Variants in SGPL1 observed in about 807,000 individuals in gnomAD.
The protein encoded by SGPL1 is sphingosine-1-phosphate lyase 1, also known as SP-lyase 1.
SGPL1 carries 37 observed loss-of-function variants against 68.9 expected under a neutral mutation model. The observed-to-expected ratio is 0.54, with a 90% CI of 0.41 to 0.71. SGPL1 has a LOEUF of 0.71. Ranked by LOEUF, SGPL1 falls within the 30% of genes least tolerant of loss-of-function variation. The pLI is 0.00. For missense variants in SGPL1, 551 were observed against 704.6 expected (o/e 0.78, Z 2.47); for synonymous variants, 236 against 248.5 (o/e 0.95, Z 0.47).
chr10:70,851,543 T>C (rs1095661), intron 4 of SGPL1, among the ~76,000 whole-genome samples: 150,239 of 152,252 alleles, frequency 0.99, 74,160 homozygotes, highest in Middle Eastern at 1. Context: ...CTTTCTCCAA[T>C]GTAACTGGCC....
intron 6 of SGPL1, among the ~76,000 whole-genome samples, chr10:70,858,413 C>T (rs1845998318): frequency 6.6e-6 from 1 of 152,180 alleles, no homozygotes; most frequent in African/African-American, 2.4e-5. Flanking sequence ...GTTGAGATTA[C>T]AGCTGTGAAC....
At chr10:70,874,695 C>T (rs1846355213) in intron 12 of SGPL1, among the ~76,000 whole-genome samples, 1 of 152,030 alleles carries the variant, frequency 6.6e-6, no homozygotes, top group Non-Finnish European at 1.5e-5. Flanking sequence ...TGCACTCAAG[C>T]CTGGGCAACA....
Position 70,873,499 on chromosome 10 carries a change from C to G in SGPL1, c.1208C>G (p.Ala403Gly), listed in dbSNP as rs765061875. The change falls in exon 12 of 15, where the codon GCC becomes GGC. Residue 403 changes from alanine to glycine, a missense_variant. Physicochemically the swap from Ala to Gly is moderately conservative, Grantham distance 60. Coordinates refer to ENST00000373202, the MANE Select transcript of SGPL1 (RefSeq NM_003901.4). ...TCACGGCCTGGTGGCATTAGCGCAGCCTGTTGGGCTGCCTTGATGCACTTC... is the reference window on the plus strand; with the variant it reads ...TCACGGCCTGGTGGCATTAGCGCAGGCTGTTGGGCTGCCTTGATGCACTTC... ...AGSRPGGISA[A>G]CWAALMHFGE... 17 of 1,614,228 alleles carry G rather than the reference C, an allele frequency of 1.1e-5. No individual in the cohort carries two copies. In the Admixed American group the frequency reaches 2.2e-4, roughly 21 times the overall value.
chr10:70,842,237 A>T (rs1388878988), intron 2 of SGPL1, among the ~76,000 whole-genome samples: 1 of 152,298 alleles, frequency 6.6e-6, no homozygotes. Flanking sequence ...ATCCTTGAAC[A>T]TGTTTATTTG....
rs1297836489 is a variant in SGPL1, at chr10:70,879,279, G to C, written c.*1944G>C. 1 of 152,710 alleles carries C rather than the reference G, an allele frequency of 6.5e-6. No individual in the cohort carries two copies. The highest frequency in any genetic ancestry group is 2.4e-5 in the African/African-American group (1 of 41,458). 9.5% of individuals were successfully genotyped at this position (152,710 alleles called of 1,614,324 possible). A position where few individuals can be genotyped will look rare whatever the true frequency, so the allele number is the denominator to read the frequency against. ...GCCATGACTACCAGACTTTTCCTCA[G>C]GCTCCTTGGCATGTTAGTCTGAATT... On this transcript the variant is annotated 3_prime_UTR_variant, in exon 15 of 15. Coordinates refer to ENST00000373202, the MANE Select transcript of SGPL1 (RefSeq NM_003901.4).
In SGPL1 at chr10:70,828,377, G is replaced by C. The variant is rs541435057; in HGVS notation, c.27+11497G>C. ...CACCCTGTTGCCCAGGCAGGAGTGC[G>C]GTGGTGCGATCATGGCTTCCTGCAG... On this transcript the variant is annotated intron_variant, in intron 2 of 14. Coordinates refer to ENST00000373202, the MANE Select transcript of SGPL1 (RefSeq NM_003901.4). 9.6e-4 allele frequency among the ~76,000 whole-genome samples: 146 copies of C among 152,148 alleles called. 1 individual carries two copies. The highest frequency in any genetic ancestry group is 5.7e-4 in the Non-Finnish European group (39 of 67,990).
intron 2 of SGPL1, among the ~76,000 whole-genome samples, chr10:70,833,389 G>A (rs1250522442): frequency 6.6e-6 from 1 of 152,200 alleles, no homozygotes; most frequent in Non-Finnish European, 1.5e-5. Flanking sequence ...CCTAAGAAAT[G>A]ATGATTCAGT....
At chr10:70,858,753 C>T (rs1433955448) in intron 6 of SGPL1, among the ~76,000 whole-genome samples, 2 of 152,198 alleles carry the variant, frequency 1.3e-5, no homozygotes, top group Admixed American at 6.5e-5. Context: ...TGCCTTTTCT[C>T]TTTACTAAAT....
intron 2 of SGPL1, among the ~76,000 whole-genome samples, chr10:70,821,874 A>G (rs77064029): frequency 0.018 from 2,732 of 152,184 alleles, 60 homozygotes; most frequent in African/African-American, 0.056. Flanking sequence ...GCTCAGGAAT[A>G]TATATTGGAG....
At chr10:70,877,098 G>A (rs995891652) in intron 14 of SGPL1, 97 bp from the exon 15 acceptor site, 37 of 1,246,094 alleles carry the variant, frequency 3.0e-5, no homozygotes, top group African/African-American at 7.4e-5. Context: ...GTGCACATGC[G>A]AAGCTAGGAC....
chr10:70,868,453 T>C lies in SGPL1; in HGVS notation c.704+20T>C. ...AGAAATGTATGTATGTGTGGCTGTT[T>C]TGTCCCCTTTTGGATTTGTCTGTCT... On this transcript the variant is annotated intron_variant, in intron 8 of 14. Coordinates refer to ENST00000373202, the MANE Select transcript of SGPL1 (RefSeq NM_003901.4). The C allele has an allele frequency of 6.3e-7, 1 of 1,591,474 alleles. No individual in the cohort carries two copies. Among genetic ancestry groups the C allele is most frequent in the Non-Finnish European group, 8.6e-7 (1 of 1,159,450 alleles).
chr10:70,864,550 C>T (rs1297645115), intron 7 of SGPL1, among the ~76,000 whole-genome samples: 1 of 152,078 alleles, frequency 6.6e-6, no homozygotes, highest in African/African-American at 2.4e-5. Context: ...CTTTTTGTTT[C>T]ATGGTCTAGG....
chr10:70,830,322 T>G (rs145932713), intron 2 of SGPL1, among the ~76,000 whole-genome samples: 199 of 152,334 alleles, frequency 1.3e-3, no homozygotes, highest in African/African-American at 4.6e-3. Context: ...CACTTCCTTA[T>G]TTCCTTCTCA....
intron 3 of SGPL1, among the ~76,000 whole-genome samples, chr10:70,844,977 A>G (rs752048960): frequency 3.9e-5 from 6 of 152,102 alleles, no homozygotes; most frequent in Non-Finnish European, 8.8e-5. Context: ...TGACCTCGTG[A>G]TCCACCCACC....
chr10:70,876,514 C>T lies in SGPL1; in HGVS notation c.1446-27C>T, dbSNP rs375982508. On this transcript the variant is annotated intron_variant, in intron 13 of 14. Transcript: ENST00000373202. Reference sequence around the variant, plus strand: ...GAACATTTTTTCTTTCTTCAAGGTTCATCTCTCTCTGTCTCTTCTTTCCTA... The same window carrying T: ...GAACATTTTTTCTTTCTTCAAGGTTTATCTCTCTCTGTCTCTTCTTTCCTA... 5.6e-4 allele frequency: 884 copies of T among 1,588,842 alleles called. 2 individuals are homozygous for T. The highest frequency in any genetic ancestry group is 7.3e-4 in the Non-Finnish European group (859 of 1,171,132).
chr10:70,829,184 G>C (rs983983523), intron 2 of SGPL1, among the ~76,000 whole-genome samples: 5 of 152,208 alleles, frequency 3.3e-5, no homozygotes, highest in African/African-American at 7.2e-5. Flanking sequence ...AAAGATAGTA[G>C]GTAAGTGATT....
chr10:70,856,388 TA>T, intron 5 of SGPL1, among the ~76,000 whole-genome samples: 1 of 152,228 alleles, frequency 6.6e-6, no homozygotes, highest in Non-Finnish European at 1.5e-5. Flanking sequence ...TGTAGATGAA[TA>T]AAGCAGTGGT....
At chr10:70,828,428 C>A (rs1292675803) in intron 2 of SGPL1, among the ~76,000 whole-genome samples, 1 of 152,182 alleles carries the variant, frequency 6.6e-6, no homozygotes, top group Non-Finnish European at 1.5e-5. Flanking sequence ...CTCTAACCAT[C>A]CTCATTGAGA....
chr10:70,827,373 A>G (rs188356067), intron 2 of SGPL1, among the ~76,000 whole-genome samples: 36 of 152,198 alleles, frequency 2.4e-4, no homozygotes, highest in African/African-American at 8.7e-4. Flanking sequence ...TTTTAGTTCT[A>G]TTATTAATAG....
Sources: allele counts gnomAD v4.1 joint callset (sites outside exome capture counted in the v4.1 genomes callset), GRCh38; gene constraint gnomAD v4.1.1; transcripts MANE v1.5; gene names NCBI Gene and HGNC (gene_info 2026-07-23, HGNC 2026-07-21).